Variants in RYR3 observed in about 807,000 individuals in gnomAD.
RYR3 encodes the protein brain ryanodine receptor-calcium release channel.
RYR3 carries 207 observed loss-of-function variants against 584.3 expected under a neutral mutation model. The ratio of observed to expected loss-of-function variants is 0.35; its 90% CI spans 0.32 to 0.40. The LOEUF is 0.40. RYR3 is among the 10% of genes least tolerant of loss of function. The pLI, the probability that RYR3 is intolerant of heterozygous loss-of-function variation, is 1.00. For missense variants in RYR3, 5,616 were observed against 6,089.2 expected (o/e 0.92, Z 2.59); for synonymous variants, 2,416 against 2,248.5 (o/e 1.07, Z -2.11).
chr15:33,618,340 C>T (rs1233829934), intron 19 of RYR3, among the ~76,000 whole-genome samples: 2 of 152,174 alleles, frequency 1.3e-5, no homozygotes, highest in Non-Finnish European at 2.9e-5. Flanking sequence ...TGTTGGTATT[C>T]TCCAGACTTG....
intron 19 of RYR3, among the ~76,000 whole-genome samples, chr15:33,617,131 T>C (rs2060488225): frequency 1.3e-5 from 2 of 152,138 alleles, no homozygotes. Flanking sequence ...AAGAAATGTA[T>C]TGGTCGGGCG....
intron 10 of RYR3, among the ~76,000 whole-genome samples, chr15:33,561,864 C>G (rs980299619): frequency 7.3e-5 from 11 of 151,392 alleles, no homozygotes; most frequent in African/African-American, 2.7e-4. Flanking sequence ...GTACCACTGT[C>G]CTCCAGCCTG....
chr15:33,352,294 T>A lies in RYR3; in HGVS notation c.51+41198T>A, dbSNP rs1164306019. On this transcript the variant is annotated intron_variant, in intron 1 of 103. Transcript: ENST00000634891. Reference sequence around the variant, plus strand: ...CCCCTTTCTGTGGCTTATCTTCTCATCCTCTTACCAGTGTCTTTCATGTGT... The same window carrying A: ...CCCCTTTCTGTGGCTTATCTTCTCAACCTCTTACCAGTGTCTTTCATGTGT... Among the ~76,000 whole-genome samples the A allele has an allele frequency of 2.6e-5, 4 of 152,332 alleles. No individual in the cohort carries two copies. In the South Asian group the frequency reaches 8.3e-4, roughly 32 times the overall value.
At chr15:33,590,061 G>A (rs1346754184) in intron 16 of RYR3, among the ~76,000 whole-genome samples, 2 of 152,072 alleles carry the variant, frequency 1.3e-5, no homozygotes, top group Non-Finnish European at 2.9e-5. Flanking sequence ...GAAAATTACA[G>A]TCAAAGGGGG....
chr15:33,849,454 T>C (rs2078948474), intron 94 of RYR3: 1 of 149,128 alleles, frequency 6.7e-6, no homozygotes. Context: ...TTAATGAATG[T>C]ATGTGTCAAA....
chr15:33,721,577 T>C (rs1270660099), intron 43 of RYR3, among the ~76,000 whole-genome samples: 1 of 152,168 alleles, frequency 6.6e-6, no homozygotes, highest in Non-Finnish European at 1.5e-5. Flanking sequence ...TTCCAGTACA[T>C]AACATCAAAG....
intron 10 of RYR3, 101 bp from the exon 11 acceptor site, chr15:33,562,735 GT>G: frequency 1.3e-6 from 1 of 779,090 alleles, no homozygotes; most frequent in Non-Finnish European, 2.1e-6. Context: ...TTGGTAACCA[GT>G]TGCCTGGCTT....
intron 1 of RYR3, among the ~76,000 whole-genome samples, chr15:33,353,027 TTC>T (rs1172097024): frequency 1.6e-5 from 1 of 63,336 alleles, no homozygotes; most frequent in Non-Finnish European, 3.0e-5. Context: ...CTATGAAACC[TTC>T]TCTGACATTT....
chr15:33,413,807 G>A (rs1327724894), intron 1 of RYR3, among the ~76,000 whole-genome samples: 1 of 152,080 alleles, frequency 6.6e-6, no homozygotes, highest in Non-Finnish European at 1.5e-5. Flanking sequence ...TTTTCCCCAT[G>A]TATTTGGGAT....
intron 1 of RYR3, among the ~76,000 whole-genome samples, chr15:33,435,908 A>G (rs980610799): frequency 3.3e-5 from 5 of 152,164 alleles, no homozygotes; most frequent in African/African-American, 1.2e-4. Context: ...GGCAGCTTTT[A>G]TTCCCTTATT....
In RYR3 at chr15:33,859,455, A is replaced by C. The variant is rs2153012894; in HGVS notation, c.14143-120A>C. On this transcript the variant is annotated intron_variant, in intron 99 of 103. Coordinates refer to ENST00000634891, the MANE Select transcript of RYR3 (RefSeq NM_001036.6). ...AGCATGAATACTGGCACCTCTGAAG[A>C]GTTCCCCTCTCGTGGCTTAGGGCTG... The C allele has an allele frequency of 4.9e-6, 5 of 1,021,780 alleles. No homozygotes were observed. The South Asian group carries it at 6.1e-5, about 13-fold the overall frequency. 63.3% of individuals were successfully genotyped at this position (1,021,780 alleles called of 1,614,324 possible).
intron 10 of RYR3, among the ~76,000 whole-genome samples, chr15:33,556,595 C>G (rs1250544261): frequency 2.0e-5 from 3 of 152,192 alleles, no homozygotes; most frequent in Non-Finnish European, 2.9e-5. Flanking sequence ...CAGTATTTGT[C>G]CACAGTCATA....
At chr15:33,322,773 C>T (rs139860630) in intron 1 of RYR3, among the ~76,000 whole-genome samples, 70 of 152,008 alleles carry the variant, frequency 4.6e-4, no homozygotes, top group African/African-American at 1.6e-3. Flanking sequence ...ATCTTAAAGT[C>T]GATGGTTTCT....
intron 2 of RYR3, among the ~76,000 whole-genome samples, chr15:33,482,678 G>A (rs2572178): frequency 0.64 from 97,356 of 152,036 alleles, 32,221 homozygotes; most frequent in African/African-American, 0.83. Flanking sequence ...CTCAGCCTCC[G>A]AAAGTGCTGG....
At chr15:33,860,888 G>A (rs1255730521) in intron 101 of RYR3, among the ~76,000 whole-genome samples, 190 bp from the exon 102 acceptor site, 2 of 151,684 alleles carry the variant, frequency 1.3e-5, no homozygotes, top group Non-Finnish European at 2.9e-5. Context: ...AGCTAATCAG[G>A]AGCTAAGTGT....
chr15:33,410,426 A>G (rs1223871030), intron 1 of RYR3, among the ~76,000 whole-genome samples: 1 of 152,228 alleles, frequency 6.6e-6, no homozygotes, highest in Non-Finnish European at 1.5e-5. Flanking sequence ...GATGTTGAAA[A>G]TGATTTGTTA....
chr15:33,712,976 AGTT>A (rs764170067), intron 43 of RYR3, among the ~76,000 whole-genome samples: 30 of 152,218 alleles, frequency 2.0e-4, no homozygotes, highest in Non-Finnish European at 4.1e-4. Flanking sequence ...TAGTTATGAT[AGTT>A]GTTGTTCATG....
chr15:33,337,881 A>C (rs537990737), intron 1 of RYR3, among the ~76,000 whole-genome samples: 1 of 150,022 alleles, frequency 6.7e-6, no homozygotes, highest in East Asian at 2.0e-4. Flanking sequence ...TGTGTACATT[A>C]TACATATGTC....
chr15:33,510,956 G>A (rs2052929756), intron 3 of RYR3, among the ~76,000 whole-genome samples: 1 of 152,024 alleles, frequency 6.6e-6, no homozygotes, highest in Admixed American at 6.6e-5. Flanking sequence ...TTTTGGACTG[G>A]CCTTTTGATG....
Sources: gnomAD v4.1 joint callset for allele counts (sites outside exome capture counted in the v4.1 genomes callset) on GRCh38, gnomAD v4.1.1 for gene constraint, MANE v1.5 for transcripts, NCBI Gene and HGNC (gene_info 2026-07-23, HGNC 2026-07-21) for gene names.